Variants in SELENOK observed in about 807,000 individuals in gnomAD.
The protein encoded by SELENOK is selenoprotein K.
Under a neutral mutation model 17.3 loss-of-function variants are expected in SELENOK, and 11 were observed. That is an observed-to-expected ratio of 0.63 (90% CI 0.40 to 1.05). The LOEUF (loss-of-function observed/expected upper bound fraction) is 1.05, where lower values mean the gene tolerates loss of function less well. Among genes scored for constraint, SELENOK ranks in the 50% least tolerant of loss-of-function variants. SELENOK has a pLI of 0.00. For synonymous variants in SELENOK, 45 were observed against 35.4 expected (o/e 1.27, Z -0.97); for missense variants, 125 against 113.9 (o/e 1.10, Z -0.44).
At chr3:53,885,640 T>C (rs1281715174) in intron 4 of SELENOK, 79 bp from the exon 5 acceptor site, 2 of 1,431,444 alleles carry the variant, frequency 1.4e-6, no homozygotes, top group African/African-American at 2.8e-5. Context: ...TTACATGTTA[T>C]AAAATCTTTC....
chr3:53,891,715 C>T (rs1189292192), intron 1 of SELENOK, 55 bp downstream of exon 1: 1 of 1,608,348 alleles, frequency 6.2e-7, no homozygotes, highest in Non-Finnish European at 8.5e-7. Context: ...TGAAAGGAAC[C>T]TGGAGTCCGA....
In SELENOK at chr3:53,885,845, T is replaced by G. The variant is rs1026937992; in HGVS notation, c.262A>C (p.Met88Leu). 2.5e-6 allele frequency: 4 copies of G among 1,592,220 alleles called. No individual in the cohort carries two copies. Among genetic ancestry groups the G allele is most frequent in the South Asian group, 1.1e-5 (1 of 87,098 alleles). Residue 88 changes from methionine to leucine, a missense_variant, in exon 4 of 5, where the codon ATG becomes CTG. By Grantham distance (15) the Met-to-Leu change is conservative (BLOSUM62 2). Transcript: ENST00000495461. ...AGTTACCTTCCTCATCCACCAGCCATTGGAGGGGGACTAGGGCCACGCAGA... is the reference window on the plus strand; with the variant it reads ...AGTTACCTTCCTCATCCACCAGCCAGTGGAGGGGGACTAGGGCCACGCAGA... ...NHLRGPSPPP[M>L]AGGUGR
At chr3:53,889,721 C>A (rs914233008) in intron 1 of SELENOK, among the ~76,000 whole-genome samples, 1 of 152,086 alleles carries the variant, frequency 6.6e-6, no homozygotes, top group Admixed American at 6.5e-5. Flanking sequence ...AAAAAGATTG[C>A]GTATTCATAC....
chr3:53,887,810 T>C (rs1025884300), intron 2 of SELENOK, among the ~76,000 whole-genome samples: 1 of 152,178 alleles, frequency 6.6e-6, no homozygotes. Context: ...CAAATATATA[T>C]TCAAATTTAG....
Sources: allele counts gnomAD v4.1 joint callset (sites outside exome capture counted in the v4.1 genomes callset), GRCh38; gene constraint gnomAD v4.1.1; transcripts MANE v1.5; gene names NCBI Gene and HGNC (gene_info 2026-07-23, HGNC 2026-07-21).